The following YTHDF3 variants were observed in gnomAD, a reference collection of about 807,000 sequenced individuals.
YTHDF3 encodes the protein YTH domain-containing family protein 3.
In YTHDF3, 9 loss-of-function variants were observed where a neutral mutation model predicts 52.5. That is an observed-to-expected ratio of 0.17 (90% CI 0.10 to 0.30). The LOEUF (loss-of-function observed/expected upper bound fraction) is 0.30, where lower values mean the gene tolerates loss of function less well. Among genes scored for constraint, YTHDF3 ranks in the 10% least tolerant of loss-of-function variants. The pLI is 1.00. For missense variants in YTHDF3, 534 were observed against 715.0 expected (o/e 0.75, Z 2.89); for synonymous variants, 274 against 243.3 (o/e 1.13, Z -1.18).
At chr8:63,195,763 T>A (rs941062097) in intron 4 of YTHDF3, among the ~76,000 whole-genome samples, 76 of 149,368 alleles carry the variant, frequency 5.1e-4, no homozygotes, top group Admixed American at 4.4e-3. Flanking sequence ...TGTGTGTGTG[T>A]GACCCTGGGC....
At chr8:63,184,004 G>A (rs1808333457) in intron 3 of YTHDF3, among the ~76,000 whole-genome samples, 1 of 150,746 alleles carries the variant, frequency 6.6e-6, no homozygotes, top group African/African-American at 2.4e-5. Flanking sequence ...GTTTGTAAGT[G>A]GTTATACTGT....
intron 3 of YTHDF3, among the ~76,000 whole-genome samples, chr8:63,176,703 A>C (rs1807715498): frequency 6.6e-6 from 1 of 150,626 alleles, no homozygotes; most frequent in African/African-American, 2.5e-5. Context: ...TTTTTGAGAC[A>C]GTCTTGTTTT....
intron 2 of YTHDF3, among the ~76,000 whole-genome samples, chr8:63,173,202 T>TTATATATATATATATA (rs545707272): frequency 2.1e-4 from 27 of 125,900 alleles, no homozygotes; most frequent in East Asian, 1.9e-3. Context: ...AGGATTATAT[T>TTATATATATATATATA]TATATATATA....
chr8:63,194,058 A>C (rs1809083221), intron 4 of YTHDF3, among the ~76,000 whole-genome samples: 1 of 151,980 alleles, frequency 6.6e-6, no homozygotes, highest in Non-Finnish European at 1.5e-5. Flanking sequence ...AAATGGCAGC[A>C]GTTCAAATGT....
At chr8:63,203,795 G>A (rs958714154) in intron 4 of YTHDF3, among the ~76,000 whole-genome samples, 1 of 152,090 alleles carries the variant, frequency 6.6e-6, no homozygotes, top group Non-Finnish European at 1.5e-5. Context: ...TACTTGTCAG[G>A]TATTTTGTAA....
chr8:63,199,275 T>A (rs182106146), intron 4 of YTHDF3, among the ~76,000 whole-genome samples: 61 of 152,316 alleles, frequency 4.0e-4, no homozygotes, highest in African/African-American at 1.4e-3. Flanking sequence ...TCATTTATAG[T>A]CATTTCTTGG....
At chr8:63,172,841 C>T (rs562724865) in intron 2 of YTHDF3, 5 of 1,220,584 alleles carry the variant, frequency 4.1e-6, no homozygotes, top group Middle Eastern at 3.1e-4. Flanking sequence ...ATTTTACAGA[C>T]TATGGAACTA....
chr8:63,180,427 A>G (rs1164750690), intron 3 of YTHDF3, among the ~76,000 whole-genome samples: 2 of 149,260 alleles, frequency 1.3e-5, no homozygotes, highest in African/African-American at 2.5e-5. Context: ...GCGGCCGGGA[A>G]GAGGCGCTCC....
At chr8:63,178,992 A>G (rs925668262) in intron 3 of YTHDF3, among the ~76,000 whole-genome samples, 1 of 152,134 alleles carries the variant, frequency 6.6e-6, no homozygotes, top group South Asian at 2.1e-4. Context: ...TCTGATTTTA[A>G]AATTATAAAT....
intron 3 of YTHDF3, among the ~76,000 whole-genome samples, chr8:63,178,392 T>G (rs1807844556): frequency 6.6e-6 from 1 of 152,202 alleles, no homozygotes; most frequent in Non-Finnish European, 1.5e-5. Flanking sequence ...AAAAATAGTT[T>G]TAAAAAGTGT....
chr8:63,179,633 C>G (rs371046969), intron 3 of YTHDF3, among the ~76,000 whole-genome samples: 1 of 152,206 alleles, frequency 6.6e-6, no homozygotes, highest in Non-Finnish European at 1.5e-5. Context: ...TACACAGACA[C>G]GGCAACCATC....
chr8:63,185,318 C>A, intron 3 of YTHDF3, among the ~76,000 whole-genome samples: 1 of 150,258 alleles, frequency 6.7e-6, no homozygotes. Context: ...TGATTTTTGG[C>A]AGTTCACTAA....
chr8:63,203,770 T>A lies in YTHDF3; in HGVS notation c.1735-5913T>A, dbSNP rs188831478. Among the ~76,000 whole-genome samples the A allele has an allele frequency of 7.2e-5, 11 of 152,348 alleles. No individual in the cohort carries two copies. The East Asian group carries it at 2.1e-3, about 29-fold the overall frequency. On this transcript the variant is annotated intron_variant, in intron 4 of 4. Transcript: ENST00000539294. ...TTTTCCGTCTTGCTTTGTTTCCCAT[T>A]ACATTTTTAAAGAGTACTTGTCAGG...
chr8:63,168,644 T>G lies in YTHDF3; in HGVS notation c.-234T>G. On this transcript the variant is annotated 5_prime_UTR_variant, in exon 1 of 5. Coordinates refer to ENST00000539294, the MANE Select transcript of YTHDF3 (RefSeq NM_152758.6). ...GTGAGACTAGGGAGTCTGTCCGCCA[T>G]TGTGGACCCGAGAAGCAGAGAGCGA... 2 of 713,230 alleles carry G rather than the reference T, an allele frequency of 2.8e-6. No individual in the cohort carries two copies. Among genetic ancestry groups the G allele is most frequent in the Non-Finnish European group, 4.6e-6 (2 of 435,288 alleles). The allele number at this position is 713,230 out of a possible 1,614,324, so 44.2% of individuals were successfully genotyped here.
intron 3 of YTHDF3, among the ~76,000 whole-genome samples, chr8:63,177,151 A>G (rs1409192815): frequency 1.3e-5 from 2 of 152,200 alleles, no homozygotes; most frequent in African/African-American, 4.8e-5. Flanking sequence ...TGAAAGAACA[A>G]GGAACCAAAT....
intron 3 of YTHDF3, among the ~76,000 whole-genome samples, chr8:63,182,740 C>T (rs1808225371): frequency 6.6e-6 from 1 of 152,158 alleles, no homozygotes; most frequent in Admixed American, 6.5e-5. Context: ...TCATATTCAG[C>T]CCACCTTTCC....
intron 4 of YTHDF3, among the ~76,000 whole-genome samples, chr8:63,207,359 T>A (rs1417616289): frequency 6.6e-6 from 1 of 152,174 alleles, no homozygotes; most frequent in Non-Finnish European, 1.5e-5. Context: ...ATTTTAAAGT[T>A]TCCTTTGCCG....
chr8:63,195,712 TAGTG>T (rs1460025973), intron 4 of YTHDF3, among the ~76,000 whole-genome samples: 3 of 148,880 alleles, frequency 2.0e-5, no homozygotes, highest in African/African-American at 5.0e-5. Flanking sequence ...CTGGGCAACA[TAGTG>T]AGACCATGTA....
intron 3 of YTHDF3, among the ~76,000 whole-genome samples, chr8:63,184,681 A>G (rs1281077560): frequency 6.6e-6 from 1 of 152,266 alleles, no homozygotes; most frequent in African/African-American, 2.4e-5. Flanking sequence ...AGAGTGAAAT[A>G]GTAGAAGAAA....
Sources: gnomAD v4.1 joint callset for allele counts (sites outside exome capture counted in the v4.1 genomes callset) on GRCh38, gnomAD v4.1.1 for gene constraint, MANE v1.5 for transcripts, NCBI Gene and HGNC (gene_info 2026-07-23, HGNC 2026-07-21) for gene names.